Variants in RRAS2 observed in about 807,000 individuals in gnomAD.
The protein encoded by RRAS2 is ras-related protein R-Ras2.
Under a neutral mutation model 27.6 loss-of-function variants are expected in RRAS2, and 7 were observed. That is an observed-to-expected ratio of 0.25 (90% CI 0.14 to 0.48). RRAS2 has a LOEUF of 0.48. RRAS2 is among the 20% of genes least tolerant of loss of function. The pLI is 0.99. For synonymous variants in RRAS2, 86 were observed against 90.9 expected (o/e 0.95, Z 0.31); for missense variants, 178 against 256.2 (o/e 0.69, Z 2.08).
upstream of RRAS2, among the ~76,000 whole-genome samples, chr11:14,363,630 G>A (rs1849217432): frequency 6.6e-6 from 1 of 151,966 alleles, no homozygotes; most frequent in Non-Finnish European, 1.5e-5. Context: ...AATTAGCTGG[G>A]CATGGTGGTG....
chr11:14,346,671 G>GT (rs1445868411), intron 1 of RRAS2, among the ~76,000 whole-genome samples: 1 of 152,174 alleles, frequency 6.6e-6, no homozygotes, highest in African/African-American at 2.4e-5. Context: ...GTAAAGCATA[G>GT]TAACTATAGT....
intron 1 of RRAS2, chr11:14,356,867 AATCT>A (rs1384164284): frequency 5.0e-6 from 2 of 400,992 alleles, no homozygotes; most frequent in African/African-American, 4.3e-5. Context: ...GGCTCACTAC[AATCT>A]CCGCCTCCCG....
At chr11:14,286,532 T>C (rs1233091453) in intron 4 of RRAS2, among the ~76,000 whole-genome samples, 1 of 152,236 alleles carries the variant, frequency 6.6e-6, no homozygotes, top group African/African-American at 2.4e-5. Flanking sequence ...ATATGAATTA[T>C]TCCTAGCCCT....
At chr11:14,340,985 T>C (rs1190431293) in intron 1 of RRAS2, among the ~76,000 whole-genome samples, 3 of 152,162 alleles carry the variant, frequency 2.0e-5, no homozygotes, top group Non-Finnish European at 1.5e-5. Context: ...AAGGCATAAG[T>C]ACCCAAATCA....
rs140796135 is a variant in RRAS2 at position 14,355,898 on chromosome 11, C to A, written c.108+2865G>T. ...TCATGGTGGAATGAATTTTAACATT[C>A]CAGGAGTCAGGCAATGAATAGCTAC... On this transcript the variant is annotated intron_variant, in intron 1 of 5. Transcript: ENST00000256196. Among the ~76,000 whole-genome samples the A allele has an allele frequency of 1.6e-4, 25 of 152,196 alleles. No individual in the cohort carries two copies. In the South Asian group the frequency reaches 1.7e-3, roughly 10 times the overall value.
At chr11:14,333,808 T>C (rs1848533636) in intron 1 of RRAS2, among the ~76,000 whole-genome samples, 1 of 152,156 alleles carries the variant, frequency 6.6e-6, no homozygotes, top group Non-Finnish European at 1.5e-5. Context: ...CATGCCTGGC[T>C]AAATTTTTTA....
rs1554955813 is a variant in RRAS2, at chr11:14,358,585, C to A, written c.108+178G>T. ...CGCCGCGCCCGGGAGGAGGCAGGAGCGCGACGCTGCGGCCGCAGGGCAGGA... is the reference window on the plus strand; with the variant it reads ...CGCCGCGCCCGGGAGGAGGCAGGAGAGCGACGCTGCGGCCGCAGGGCAGGA... On this transcript the variant is annotated intron_variant, in intron 1 of 5. Coordinates refer to ENST00000256196, the MANE Select transcript of RRAS2 (RefSeq NM_012250.6). The surrounding 1 kb of genome is among the most constrained non-coding windows in gnomAD (Gnocchi z 5.1). 2.0e-6 allele frequency: 2 copies of A among 985,308 alleles called. No individual in the cohort carries two copies. The highest frequency in any genetic ancestry group is 3.5e-5 in the African/African-American group (2 of 57,126). 61.0% of individuals were successfully genotyped at this position (985,308 alleles called of 1,614,324 possible).
chr11:14,292,768 A>C (rs1554945960), intron 4 of RRAS2, among the ~76,000 whole-genome samples: 1 of 152,052 alleles, frequency 6.6e-6, no homozygotes, highest in African/African-American at 2.4e-5. Flanking sequence ...ATTCTATACC[A>C]AGTTTCATCA....
chr11:14,347,287 G>C (rs1269811881), intron 1 of RRAS2, among the ~76,000 whole-genome samples: 4 of 152,074 alleles, frequency 2.6e-5, no homozygotes, highest in South Asian at 2.1e-4. Context: ...AATGACAAAC[G>C]GATTAATGCC....
At chr11:14,282,321 T>C (rs782533623) in intron 4 of RRAS2, among the ~76,000 whole-genome samples, 3 of 152,192 alleles carry the variant, frequency 2.0e-5, no homozygotes, top group Non-Finnish European at 4.4e-5. Flanking sequence ...CAAAACCTGG[T>C]ACACAGGTGA....
intron 1 of RRAS2, among the ~76,000 whole-genome samples, chr11:14,343,345 G>T (rs988900683): frequency 6.6e-6 from 1 of 152,122 alleles, no homozygotes. Flanking sequence ...ACACCTCTTA[G>T]GCTTCATAAT....
chr11:14,325,016 G>C (rs1319642806), intron 1 of RRAS2, among the ~76,000 whole-genome samples: 5 of 152,168 alleles, frequency 3.3e-5, no homozygotes, highest in African/African-American at 1.2e-4. Flanking sequence ...ATTATCTCTA[G>C]ATTCTTCCTA....
intron 1 of RRAS2, among the ~76,000 whole-genome samples, chr11:14,297,429 A>T (rs1351186521): frequency 6.6e-6 from 1 of 152,182 alleles, no homozygotes; most frequent in Non-Finnish European, 1.5e-5. Context: ...TGATACCATG[A>T]CTTTACATAT....
At chr11:14,332,474 C>T (rs1181749643) in intron 1 of RRAS2, among the ~76,000 whole-genome samples, 4 of 151,964 alleles carry the variant, frequency 2.6e-5, no homozygotes, top group Non-Finnish European at 5.9e-5. Context: ...TGCACTCAAG[C>T]CTCAGCAACA....
At chr11:14,345,798 C>G (rs1375788166) in intron 1 of RRAS2, among the ~76,000 whole-genome samples, 3 of 152,138 alleles carry the variant, frequency 2.0e-5, no homozygotes, top group African/African-American at 4.8e-5. Flanking sequence ...CTGATAATCT[C>G]CAAGAAACTG....
intron 1 of RRAS2, chr11:14,337,046 CAGA>C (rs1397374767): frequency 6.6e-6 from 1 of 152,178 alleles, no homozygotes; most frequent in Non-Finnish European, 1.5e-5. Context: ...CCATGGGGAT[CAGA>C]AGAAGTGGCA....
At chr11:14,280,577 T>C (rs1564951245) in intron 5 of RRAS2, among the ~76,000 whole-genome samples, 1 of 151,524 alleles carries the variant, frequency 6.6e-6, no homozygotes, top group African/African-American at 2.4e-5. Context: ...AATACAAAGA[T>C]TAGCTGGATG....
At chr11:14,280,220 A>C (rs1849485595) in intron 5 of RRAS2, among the ~76,000 whole-genome samples, 1 of 152,132 alleles carries the variant, frequency 6.6e-6, no homozygotes, top group South Asian at 2.1e-4. Context: ...GATGTTGTGC[A>C]ACCATCATCG....
At chr11:14,281,792 G>C in intron 4 of RRAS2, 72 bp from the exon 5 acceptor site, 1 of 1,312,874 alleles carries the variant, frequency 7.6e-7, no homozygotes, top group South Asian at 1.4e-5. Flanking sequence ...CCTGGCCACA[G>C]ATTGTGCTAA....
Sources: allele counts gnomAD v4.1 joint callset (sites outside exome capture counted in the v4.1 genomes callset), GRCh38; gene constraint gnomAD v4.1.1; non-coding constraint Gnocchi (gnomAD v3.1); transcripts MANE v1.5; gene names NCBI Gene and HGNC (gene_info 2026-07-23, HGNC 2026-07-21).